Variants in RERE observed in about 807,000 individuals in gnomAD.
RERE encodes arginine-glutamic acid dipeptide repeats protein.
A neutral mutation model predicts 146.1 loss-of-function variants in RERE; 40 were observed. That is an observed-to-expected ratio of 0.27 (90% CI 0.21 to 0.36). The LOEUF (loss-of-function observed/expected upper bound fraction) is 0.36, where lower values mean the gene tolerates loss of function less well. Ranked by LOEUF, RERE falls within the 10% of genes least tolerant of loss-of-function variation. The pLI is 1.00. For missense variants in RERE, 1,933 were observed against 2,138.7 expected (o/e 0.90, Z 1.90); for synonymous variants, 1,003 against 866.0 (o/e 1.16, Z -2.78).
intron 1 of RERE, among the ~76,000 whole-genome samples, chr1:8,694,664 C>G (rs1481434757): frequency 6.6e-6 from 1 of 151,462 alleles, no homozygotes; most frequent in Admixed American, 6.6e-5. Flanking sequence ...GAGACTGAGG[C>G]AGGAGAATCA....
At chr1:8,466,064 AACAG>A in intron 10 of RERE, 41 bp from the exon 11 acceptor site, 1 of 1,519,174 alleles carries the variant, frequency 6.6e-7, no homozygotes, top group Non-Finnish European at 9.0e-7. Context: ...TGCACCAAAT[AACAG>A]ACAGGACACA....
chr1:8,764,541 CACA>C (rs1326803037), intron 1 of RERE, among the ~76,000 whole-genome samples: 2 of 152,140 alleles, frequency 1.3e-5, no homozygotes, highest in African/African-American at 2.4e-5. Flanking sequence ...GATAAACAAT[CACA>C]ACAACAGAGT....
chr1:8,711,491 A>T (rs1183945544), intron 1 of RERE, among the ~76,000 whole-genome samples: 2 of 152,192 alleles, frequency 1.3e-5, no homozygotes, highest in African/African-American at 4.8e-5. Flanking sequence ...TTCAAAACTC[A>T]CTAGAGATCT....
intron 10 of RERE, among the ~76,000 whole-genome samples, chr1:8,476,503 G>T (rs1036577356): frequency 3.9e-5 from 6 of 152,136 alleles, no homozygotes; most frequent in Non-Finnish European, 8.8e-5. Flanking sequence ...GCTCAGAAAA[G>T]AGGAAAGACA....
chr1:8,594,590 T>C (rs1646533117), intron 4 of RERE, among the ~76,000 whole-genome samples: 1 of 152,190 alleles, frequency 6.6e-6, no homozygotes, highest in Admixed American at 6.5e-5. Context: ...AATACTACAA[T>C]ATAGTCTCAA....
Position 8,361,233 on chromosome 1 carries a change from G to C in RERE, c.2274C>G (p.Thr758=), listed in dbSNP as rs1641566379. 6.5e-7 allele frequency: 1 copy of C among 1,545,154 alleles called. No homozygotes were observed. Among genetic ancestry groups the C allele is most frequent in the Non-Finnish European group, 8.7e-7 (1 of 1,149,454 alleles). Residue 758 remains threonine (T), a synonymous_variant, in exon 18 of 23, where the codon ACC becomes ACG. Transcript: ENST00000400908. ...TPAPSSAPPG[T]PQLPTPGPTP... ...TGGGCCCTGGCGTGGGCAGCTGAGG[G>C]GTCCCTGGAGGAGCTGAGGAGGGAG...
chr1:8,382,711 G>A (rs931776526), intron 12 of RERE, among the ~76,000 whole-genome samples: 9 of 151,886 alleles, frequency 5.9e-5, no homozygotes, highest in African/African-American at 2.2e-4. Context: ...CTGGCTGCAC[G>A]ACCTTGAGCA....
chr1:8,419,356 A>G (rs1437852731), intron 12 of RERE, among the ~76,000 whole-genome samples: 1 of 152,180 alleles, frequency 6.6e-6, no homozygotes. Flanking sequence ...CTTGTGCAAT[A>G]AACACCAGAA....
At chr1:8,517,707 G>A (rs1645438638) in intron 7 of RERE, among the ~76,000 whole-genome samples, 1 of 152,052 alleles carries the variant, frequency 6.6e-6, no homozygotes, top group Non-Finnish European at 1.5e-5. Context: ...TATGAAATCT[G>A]ATACAAAAAA....
intron 12 of RERE, among the ~76,000 whole-genome samples, chr1:8,404,732 C>T (rs1364237631): frequency 2.0e-5 from 3 of 152,154 alleles, no homozygotes; most frequent in South Asian, 2.1e-4. Flanking sequence ...ACAGCAGGGT[C>T]GACAACCCAT....
intron 10 of RERE, among the ~76,000 whole-genome samples, chr1:8,487,293 CAAAG>C (rs899543568): frequency 6.6e-6 from 1 of 151,962 alleles, no homozygotes; most frequent in South Asian, 2.1e-4. Context: ...ATTAAAAAAA[CAAAG>C]AAAGGCCAGG....
At chr1:8,695,124 T>A (rs980799397) in intron 1 of RERE, among the ~76,000 whole-genome samples, 1 of 151,910 alleles carries the variant, frequency 6.6e-6, no homozygotes, top group African/African-American at 2.4e-5. Flanking sequence ...GTCATAAACC[T>A]ACAGCCATCT....
chr1:8,656,052 T>C lies in RERE; in HGVS notation c.246A>G (p.Lys82=). ...TATCTGTCCTTTCATAACGAGACTT[T>C]TTTTTCGGTGGTTTCTTCTTATTCT... ...TKKNKKKPPK[K]KSRYERTDTG... Residue 82 remains lysine (K), a synonymous_variant, in exon 2 of 23, where the codon AAA becomes AAG. Transcript: ENST00000400908. The C allele has an allele frequency of 6.2e-7, 1 of 1,614,182 alleles. No homozygotes were observed. The highest frequency in any genetic ancestry group is 8.5e-7 in the Non-Finnish European group (1 of 1,180,030).
chr1:8,524,844 G>T (rs1557672052), intron 7 of RERE, among the ~76,000 whole-genome samples: 1 of 152,132 alleles, frequency 6.6e-6, no homozygotes, highest in Non-Finnish European at 1.5e-5. Flanking sequence ...CTAGTGTCTG[G>T]CTATCAAGCA....
At chr1:8,520,638 A>G (rs1645480875) in intron 7 of RERE, among the ~76,000 whole-genome samples, 2 of 151,526 alleles carry the variant, frequency 1.3e-5, no homozygotes, top group Admixed American at 6.6e-5. Flanking sequence ...GTCATAAAAC[A>G]ACATTCCACC....
intron 1 of RERE, among the ~76,000 whole-genome samples, chr1:8,743,484 T>C (rs1286316111): frequency 6.7e-6 from 1 of 149,264 alleles, no homozygotes; most frequent in Non-Finnish European, 1.5e-5. Context: ...GCCAGGCTGG[T>C]CCCAAACTCC....
chr1:8,476,520 TAAAC>T (rs1644758815), intron 10 of RERE, among the ~76,000 whole-genome samples: 2 of 152,112 alleles, frequency 1.3e-5, no homozygotes. Flanking sequence ...GACACACATG[TAAAC>T]AAACTAACAA....
intron 1 of RERE, among the ~76,000 whole-genome samples, chr1:8,713,904 T>C (rs1007351203): frequency 1.3e-5 from 2 of 152,200 alleles, no homozygotes; most frequent in African/African-American, 4.8e-5. Context: ...GGCTTTTTCA[T>C]GGTGGACTCC....
Position 8,644,374 on chromosome 1 carries a change from C to A in RERE, c.325+11599G>T, listed in dbSNP as rs1202131956. ...TGGAACGGTCAGTAGTTCCCGCCAA[C>A]CAAGTACCTGAACGCTCTCGTTCCA... On this transcript the variant is annotated intron_variant, in intron 2 of 22. Transcript: ENST00000400908. 3.9e-5 allele frequency among the ~76,000 whole-genome samples: 6 copies of A among 152,286 alleles called. 1 individual carries two copies. In the South Asian group the frequency reaches 1.0e-3, roughly 26 times the overall value.
Sources: allele counts gnomAD v4.1 joint callset (sites outside exome capture counted in the v4.1 genomes callset), GRCh38; gene constraint gnomAD v4.1.1; transcripts MANE v1.5; gene names NCBI Gene and HGNC (gene_info 2026-07-23, HGNC 2026-07-21).